HINT1: variants seen among roughly 807,000 people sequenced by gnomAD.
HINT1 encodes adenosine 5'-monophosphoramidase HINT1.
In HINT1, 12 loss-of-function variants were observed where a neutral mutation model predicts 11.2. The observed-to-expected ratio is 1.07, with a 90% CI of 0.69 to 1.74. HINT1 has a LOEUF of 1.74. HINT1 is among the 40% of genes most tolerant of loss of function. HINT1 has a pLI of 0.00. For missense variants in HINT1, 150 were observed against 161.8 expected (o/e 0.93, Z 0.40); for synonymous variants, 42 against 52.6 (o/e 0.80, Z 0.87).
rs753616301 is a variant in HINT1 at position 131,162,342 on chromosome 5, G to T, written c.216+230C>A. 48 of 788,756 alleles carry T rather than the reference G, an allele frequency of 6.1e-5. 1 individual carries two copies. Among genetic ancestry groups the T allele is most frequent in the Admixed American group, 9.4e-5 (4 of 42,510 alleles). The allele number at this position is 788,756 out of a possible 1,614,324, so 48.9% of individuals were successfully genotyped here. On this transcript the variant is annotated intron_variant, in intron 2 of 2. Coordinates refer to ENST00000304043, the MANE Select transcript of HINT1 (RefSeq NM_005340.7). ...TCAAAAAAAAAAAAAAAAGGTAATAGCAAGTGTTGATAAGGATACGGAGAA... is the reference window on the plus strand; with the variant it reads ...TCAAAAAAAAAAAAAAAAGGTAATATCAAGTGTTGATAAGGATACGGAGAA...
chr5:131,162,735 C>G (rs1755291035), intron 1 of HINT1, 59 bp from the exon 2 acceptor site: 4 of 1,120,764 alleles, frequency 3.6e-6, no homozygotes, highest in Non-Finnish European at 5.3e-6. Context: ...TAGGATAAAA[C>G]TTATTTCAAC....
intron 1 of HINT1, among the ~76,000 whole-genome samples, chr5:131,164,670 C>G (rs912854264): frequency 2.6e-5 from 4 of 152,190 alleles, no homozygotes; most frequent in Admixed American, 1.3e-4. Context: ...CGCGGGAGAT[C>G]GCGGAGATTG....
At chr5:131,162,737 T>C in intron 1 of HINT1, 61 bp from the exon 2 acceptor site, 1 of 1,107,050 alleles carries the variant, frequency 9.0e-7, no homozygotes, top group Admixed American at 1.9e-5. Flanking sequence ...GGATAAAACT[T>C]ATTTCAACAA....
chr5:131,159,168 A>G lies in HINT1; in HGVS notation c.*279T>C, dbSNP rs926413630. 3 of 286,374 alleles carry G rather than the reference A, an allele frequency of 1.0e-5. No homozygotes were observed. Among genetic ancestry groups the G allele is most frequent in the African/African-American group, 2.1e-5 (1 of 46,904 alleles). 17.7% of individuals were successfully genotyped at this position (286,374 alleles called of 1,614,324 possible). A position where few individuals can be genotyped will look rare whatever the true frequency, so the allele number is the denominator to read the frequency against. On this transcript the variant is annotated 3_prime_UTR_variant, in exon 3 of 3. Transcript: ENST00000304043. Reference sequence around the variant, plus strand: ...ACACCATTAAAACAATGCGATGTTCATATGTTGAGTCCTCCTTGGGAAGAA... The same window carrying G: ...ACACCATTAAAACAATGCGATGTTCGTATGTTGAGTCCTCCTTGGGAAGAA...
chr5:131,162,740 T>G, intron 1 of HINT1, 64 bp from the exon 2 acceptor site: 2 of 1,078,540 alleles, frequency 1.9e-6, no homozygotes, highest in South Asian at 2.7e-5. Context: ...TAAAACTTAT[T>G]TCAACAAGTA....
Position 131,165,087 on chromosome 5 carries a change from GTACC to G in HINT1, c.111+4_111+7del. On this transcript the variant is annotated splice_donor_5th_base_variant and intron_variant, in intron 1 of 2. Transcript: ENST00000304043. Reference sequence around the variant, plus strand: ...CAGCAGGCGAGAGAGGTGGTGCCCAGTACCTACCCGGTCATCCTCAAAAATGATT... The same window carrying G: ...CAGCAGGCGAGAGAGGTGGTGCCCAGTACCCGGTCATCCTCAAAAATGATT... 6.2e-7 allele frequency: 1 copy of G among 1,613,668 alleles called. No homozygotes were observed. Among genetic ancestry groups the G allele is most frequent in the Non-Finnish European group, 8.5e-7 (1 of 1,179,850 alleles).
intron 1 of HINT1, among the ~76,000 whole-genome samples, chr5:131,164,052 T>TC (rs1257648421): frequency 6.6e-6 from 1 of 152,198 alleles, no homozygotes; most frequent in Non-Finnish European, 1.5e-5. Flanking sequence ...ACAAAGTATT[T>TC]TTTTTTTTAA....
rs141022872 is a variant in HINT1 at position 131,165,218 on chromosome 5, C to T, written c.-13G>A. On this transcript the variant is annotated 5_prime_UTR_variant, in exon 1 of 3. Transcript: ENST00000304043. The stretch of plus-strand genomic sequence containing the variant: ...TCTCATCTGCCATCTCGGCCTCTCT[C>T]CCGCGCGGCGGCCAGAGGAGAGGCT... 1 of 1,602,948 alleles carries T rather than the reference C, an allele frequency of 6.2e-7. No individual in the cohort carries two copies. Among genetic ancestry groups the T allele is most frequent in the East Asian group, 2.2e-5 (1 of 44,858 alleles).
In HINT1 at chr5:131,165,254, G is replaced by A. The variant is rs373583078; in HGVS notation, c.-49C>T. On this transcript the variant is annotated 5_prime_UTR_variant, in exon 1 of 3. Coordinates refer to ENST00000304043, the MANE Select transcript of HINT1 (RefSeq NM_005340.7). ...GCCAGAGGAGAGGCTCGGAAGAAGG[G>A]AGGAACCCGCAGAGCGTGCGGCGCG... The A allele has an allele frequency of 2.5e-6, 4 of 1,586,944 alleles. No homozygotes were observed. The highest frequency in any genetic ancestry group is 3.4e-6 in the Non-Finnish European group (4 of 1,171,894).
At chr5:131,165,053 T>TA (rs1561538311) in intron 1 of HINT1, 42 bp downstream of exon 1, 6 of 1,612,496 alleles carry the variant, frequency 3.7e-6, no homozygotes, top group Non-Finnish European at 5.1e-6. Flanking sequence ...CCGCGGACGA[T>TA]ACCCACCTCA....
intron 2 of HINT1, chr5:131,162,153 T>A (rs1755267426): frequency 2.1e-6 from 1 of 470,642 alleles, no homozygotes; most frequent in African/African-American, 2.0e-5. Flanking sequence ...GTGAAAGCCG[T>A]CTCTACTAAA....
In HINT1 at chr5:131,159,514, C is replaced by T. The variant is rs764252667; in HGVS notation, c.314G>A (p.Gly105Glu). ...GAGATGAACGTGATAGACAGACTGT[C>T]CACCATCTGAACCTTCATTCACCAC... ...RMVVNEGSDG[G>E]QSVYHVHLHV... Residue 105 changes from glycine (G) to glutamate (E), a missense_variant, in exon 3 of 3, where the codon GGA (glycine) becomes GAA (glutamate). Coordinates refer to ENST00000304043, the MANE Select transcript of HINT1 (RefSeq NM_005340.7). 1 of 1,613,770 alleles carries T rather than the reference C, an allele frequency of 6.2e-7. No homozygotes were observed. The highest frequency in any genetic ancestry group is 1.1e-5 in the South Asian group (1 of 91,036).
At chr5:131,159,846 G>A (rs1755204796) in intron 2 of HINT1, among the ~76,000 whole-genome samples, 1 of 152,052 alleles carries the variant, frequency 6.6e-6, no homozygotes, top group African/African-American at 2.4e-5. Flanking sequence ...AAAATCTGCT[G>A]TTCAATTAAA....
At chr5:131,162,817 T>A in intron 1 of HINT1, 141 bp from the exon 2 acceptor site, 1 of 600,262 alleles carries the variant, frequency 1.7e-6, no homozygotes. Flanking sequence ...ACATTACGAA[T>A]GGTGCCGTGG....
rs1755270875 is a variant in HINT1 at position 131,162,252 on chromosome 5, G to A, written c.216+320C>T. 23 of 602,354 alleles carry A rather than the reference G, an allele frequency of 3.8e-5. 1 individual carries two copies. The highest frequency in any genetic ancestry group is 3.5e-4 in the South Asian group (17 of 48,230). 37.3% of individuals were successfully genotyped at this position (602,354 alleles called of 1,614,324 possible). ...GCAGGAGAATGGTGTGAACCAGGGA[G>A]GTGGAGCTTGCAGTGAGCCGAGTGC... On this transcript the variant is annotated intron_variant, in intron 2 of 2. Transcript: ENST00000304043.
chr5:131,159,645 C>T (rs1755199672), intron 2 of HINT1, 34 bp from the exon 3 acceptor site: 2 of 1,581,412 alleles, frequency 1.3e-6, no homozygotes, highest in Non-Finnish European at 1.7e-6. Context: ...TAGGCACAGG[C>T]AATTTATTAC....
chr5:131,161,796 A>T (rs1030652829), intron 2 of HINT1, among the ~76,000 whole-genome samples: 3 of 152,174 alleles, frequency 2.0e-5, no homozygotes, highest in Non-Finnish European at 4.4e-5. Flanking sequence ...AAGTAAATAC[A>T]ACTGACCCTT....
chr5:131,159,223 C>T lies in HINT1; in HGVS notation c.*224G>A. Reference sequence around the variant, plus strand: ...CAAGAAACATCCAAAATTATAAACCCACCTTCACATATTCCAACAAATATG... The same window carrying T: ...CAAGAAACATCCAAAATTATAAACCTACCTTCACATATTCCAACAAATATG... On this transcript the variant is annotated 3_prime_UTR_variant, in exon 3 of 3. Transcript: ENST00000304043. 4.9e-6 allele frequency: 2 copies of T among 406,596 alleles called. No homozygotes were observed. Among genetic ancestry groups the T allele is most frequent in the Non-Finnish European group, 8.8e-6 (2 of 227,138 alleles). The allele number at this position is 406,596 out of a possible 1,614,324, so 25.2% of individuals were successfully genotyped here. A position where few individuals can be genotyped will look rare whatever the true frequency, so the allele number is the denominator to read the frequency against.
In HINT1 at chr5:131,162,984, C is replaced by T. The variant is rs184596780; in HGVS notation, c.112-308G>A. Among the ~76,000 whole-genome samples the T allele has an allele frequency of 0.011, 1,623 of 152,000 alleles. 17 individuals carry two copies. Among genetic ancestry groups the T allele is most frequent in the African/African-American group, 0.036 (1,501 of 41,430 alleles). Reference sequence around the variant, plus strand: ...TCCCAAGTAGCTGGGATTACAGGCACGTGCCATCATGCCCAGCTAATTTTT... The same window carrying T: ...TCCCAAGTAGCTGGGATTACAGGCATGTGCCATCATGCCCAGCTAATTTTT... On this transcript the variant is annotated intron_variant, in intron 1 of 2. Transcript: ENST00000304043.
Sources: gnomAD v4.1 joint callset for allele counts (sites outside exome capture counted in the v4.1 genomes callset) on GRCh38, gnomAD v4.1.1 for gene constraint, MANE v1.5 for transcripts, NCBI Gene and HGNC (gene_info 2026-07-23, HGNC 2026-07-21) for gene names.